Variants in MOB3A observed in about 807,000 individuals in gnomAD.
MOB3A encodes MOB LAK.
MOB3A carries 17 observed loss-of-function variants against 17.8 expected under a neutral mutation model. That is an observed-to-expected ratio of 0.95 (90% CI 0.65 to 1.43). The LOEUF is 1.43. MOB3A is among the 40% of genes most tolerant of loss of function. The pLI is 0.00. For synonymous variants in MOB3A, 124 were observed against 133.2 expected (o/e 0.93, Z 0.48); for missense variants, 333 against 310.8 (o/e 1.07, Z -0.54).
In MOB3A at chr19:2,093,588, C is replaced by T. The variant is rs56320311; in HGVS notation, c.-274+2638G>A. 0.019 allele frequency among the ~76,000 whole-genome samples: 2,898 copies of T among 152,266 alleles called. 51 individuals are homozygous for T. Among genetic ancestry groups the T allele is most frequent in the Admixed American group, 0.041 (627 of 15,286 alleles). On this transcript the variant is annotated intron_variant, in intron 1 of 4. Coordinates refer to ENST00000357066, the MANE Select transcript of MOB3A (RefSeq NM_130807.3). This position sits in a 1 kb window ranked among gnomAD's most constrained non-coding sequence, Gnocchi z 4.6. ...TCTTGAATGCCTGACCTCAGGTGAT[C>T]TGCTCTCCTCGGCCTCCCAAAGTGC... is the stretch of plus-strand genomic sequence containing the variant.
chr19:2,095,420 G>C (rs568370346), intron 1 of MOB3A: 1 of 152,278 alleles, frequency 6.6e-6, no homozygotes, highest in Non-Finnish European at 1.5e-5. Flanking sequence ...CCGGGGTGGG[G>C]GGGCCCTGCC....
At chr19:2,081,574 C>CGA (rs1282626537) in intron 2 of MOB3A, among the ~76,000 whole-genome samples, 1 of 150,934 alleles carries the variant, frequency 6.6e-6, no homozygotes, top group Non-Finnish European at 1.5e-5. Flanking sequence ...GGCGACAGAG[C>CGA]GAGATTCTGC....
At chr19:2,083,413 A>G (rs540667250) in intron 2 of MOB3A, among the ~76,000 whole-genome samples, 38 of 152,240 alleles carry the variant, frequency 2.5e-4, no homozygotes, top group South Asian at 8.3e-4. Context: ...AGGCCACACC[A>G]CCTGCAGCAC....
Position 2,078,248 on chromosome 19 carries a change from G to T in MOB3A, c.313C>A (p.His105Asn). ...PKYEYRWQDE[H>N]KFRKPTALSA... ...AGTGCCGTGGGCTTCCGGAACTTATGCTCATCCTGCCAGCGGTACTCATAC... is the reference window on the plus strand; with the variant it reads ...AGTGCCGTGGGCTTCCGGAACTTATTCTCATCCTGCCAGCGGTACTCATAC... The change falls in exon 3 of 5, where the codon CAT (histidine) becomes AAT (asparagine). Residue 105 changes from histidine (H) to asparagine (N), a missense_variant. Transcript: ENST00000357066. 1 of 1,614,034 alleles carries T rather than the reference G, an allele frequency of 6.2e-7. No homozygotes were observed. Among genetic ancestry groups the T allele is most frequent in the Non-Finnish European group, 8.5e-7 (1 of 1,179,952 alleles).
intron 1 of MOB3A, among the ~76,000 whole-genome samples, chr19:2,089,715 G>A (rs952361885): frequency 3.3e-5 from 5 of 152,154 alleles, no homozygotes; most frequent in African/African-American, 9.7e-5. Context: ...GGTTTACACC[G>A]TCTGCCATAT....
chr19:2,081,447 A>T (rs1023303261), intron 2 of MOB3A, among the ~76,000 whole-genome samples: 1 of 151,828 alleles, frequency 6.6e-6, no homozygotes, highest in Non-Finnish European at 1.5e-5. Flanking sequence ...AATTAGCCAG[A>T]CATGGTGGCG....
rs771426975 is a variant in MOB3A at position 2,078,174 on chromosome 19, C to G, written c.387G>C (p.Gln129His). 1.0e-5 allele frequency: 16 copies of G among 1,592,794 alleles called. No individual in the cohort carries two copies. Among genetic ancestry groups the G allele is most frequent in the Admixed American group, 6.8e-5 (4 of 58,970 alleles). Reference protein sequence around the residue: ...MDLLMDWIEAQINNEDLFPTN... With the variant: ...MDLLMDWIEAHINNEDLFPTN... ...TGGGGAAGAGGTCCTCGTTGTTGAT[C>G]TGCGCCTCGATCCAGTCCATCAGCA... Residue 129 changes from glutamine to histidine, a missense_variant, in exon 3 of 5, where the codon CAG becomes CAC. Physicochemically the swap from Gln to His is conservative, Grantham distance 24 (BLOSUM62 0). Transcript: ENST00000357066.
chr19:2,085,119 G>A (rs1019579505), intron 2 of MOB3A, 56 bp downstream of exon 2: 6 of 152,272 alleles, frequency 3.9e-5, no homozygotes, highest in African/African-American at 1.4e-4. Flanking sequence ...AGGCCGGGGT[G>A]GCCTCGGGAC....
At chr19:2,076,547 G>A (rs2017411148) in intron 4 of MOB3A, among the ~76,000 whole-genome samples, 1 of 152,212 alleles carries the variant, frequency 6.6e-6, no homozygotes, top group Non-Finnish European at 1.5e-5. Flanking sequence ...GCTCAGGACG[G>A]TGAAGGCGGA....
At position 2,076,934 on chromosome 19, in the gene MOB3A, G is replaced by A; in HGVS notation, c.501C>T (p.Tyr167=). 2 of 1,614,028 alleles carry A rather than the reference G, an allele frequency of 1.2e-6. No homozygotes were observed. The highest frequency in any genetic ancestry group is 1.6e-4 in the Middle Eastern group (1 of 6,062). ...SRLFRVFVHV[Y]IHHFDRIAQM... is the part of the protein sequence containing the mutation. ...GCGCGATGCGGTCAAAGTGGTGGAT[G>A]TAGACGTGCACGAACACGCGGAACA... is the stretch of plus-strand genomic sequence containing the variant. The change falls in exon 4 of 5, where the codon TAC becomes TAT. Residue 167 remains tyrosine (Y), a synonymous_variant. Transcript: ENST00000357066.
intron 1 of MOB3A, among the ~76,000 whole-genome samples, chr19:2,094,038 GTTC>G (rs2017641604): frequency 7.1e-6 from 1 of 140,128 alleles, no homozygotes; most frequent in African/African-American, 2.6e-5. Context: ...CCCTATGTAA[GTTC>G]TTTTTTTTTT....
chr19:2,083,768 T>G lies in MOB3A; in HGVS notation c.-120+1407A>C, dbSNP rs114665043. ...GCTGCCGTTTGTTGATTTCAGGGCCTCCCATGCCAATTTGGGGGCTTAGCT... is the reference window on the plus strand; with the variant it reads ...GCTGCCGTTTGTTGATTTCAGGGCCGCCCATGCCAATTTGGGGGCTTAGCT... On this transcript the variant is annotated intron_variant, in intron 2 of 4. Transcript: ENST00000357066. Among the ~76,000 whole-genome samples, 1,138 of 152,284 alleles carry G rather than the reference T, an allele frequency of 7.5e-3. 19 individuals carry two copies. Among genetic ancestry groups the G allele is most frequent in the African/African-American group, 0.026 (1,067 of 41,562 alleles).
rs1403479346 is a variant in MOB3A, at chr19:2,076,996, T to C, written c.439A>G (p.Asn147Asp). 6.2e-7 allele frequency: 1 copy of C among 1,613,330 alleles called. No individual in the cohort carries two copies. Among genetic ancestry groups the C allele is most frequent in the Non-Finnish European group, 8.5e-7 (1 of 1,179,890 alleles). Residue 147 changes from asparagine to aspartate, a missense_variant, in exon 4 of 5, where the codon AAC (asparagine) becomes GAC (aspartate). Physicochemically the swap from Asn to Asp is conservative, Grantham distance 23. Transcript: ENST00000357066. Reference protein sequence around the residue: ...PTNVGTPFPKNFLQTVRKILS... With the variant: ...PTNVGTPFPKDFLQTVRKILS... Reference sequence around the variant, plus strand: ...ATCTTCCGCACCGTCTGCAGGAAGTTCTTGGGAAACGGAGTGCCTGCAGGG... The same window carrying C: ...ATCTTCCGCACCGTCTGCAGGAAGTCCTTGGGAAACGGAGTGCCTGCAGGG...
chr19:2,087,309 G>A (rs1278459919), intron 1 of MOB3A, among the ~76,000 whole-genome samples: 2 of 152,210 alleles, frequency 1.3e-5, no homozygotes, highest in Non-Finnish European at 1.5e-5. Context: ...CACGTTTGGC[G>A]TTGCGCAAAC....
At chr19:2,087,516 A>G (rs905117676) in intron 1 of MOB3A, among the ~76,000 whole-genome samples, 1 of 152,160 alleles carries the variant, frequency 6.6e-6, no homozygotes, top group Admixed American at 6.5e-5. Flanking sequence ...TTAGCCAGGC[A>G]TGGTGGATGT....
intron 4 of MOB3A, among the ~76,000 whole-genome samples, chr19:2,075,554 C>A (rs1417369288): frequency 6.6e-6 from 1 of 152,150 alleles, no homozygotes; most frequent in Non-Finnish European, 1.5e-5. Context: ...CATCAGGATC[C>A]CCACATCCAT....
In MOB3A at chr19:2,078,142, A is replaced by G. The variant is rs1291250008; in HGVS notation, c.419T>C (p.Val140Ala). 14 of 1,566,278 alleles carry G rather than the reference A, an allele frequency of 8.9e-6. No individual in the cohort carries two copies. The highest frequency in any genetic ancestry group is 1.2e-5 in the Non-Finnish European group (14 of 1,151,090). Residue 140 changes from valine (V) to alanine (A), a missense_variant and splice_region_variant, in exon 3 of 5, where the codon GTT becomes GCT. Val to Ala is a moderately conservative substitution (Grantham distance 64, BLOSUM62 0). Coordinates refer to ENST00000357066, the MANE Select transcript of MOB3A (RefSeq NM_130807.3). ...INNEDLFPTN[V>A]GTPFPKNFLQ... ...AGCCCCTGCCAGCTCTGACTCACCA[A>G]CGTTGGTGGGGAAGAGGTCCTCGTT...
rs1019265176 is a variant in MOB3A, at chr19:2,088,711, G to A, written c.-273-3383C>T. ...TCTCCAACTCCTGACCTCATGATCC[G>A]CCCGCCTCGACCTCCCAAAGTGCTG... On this transcript the variant is annotated intron_variant, in intron 1 of 4. Transcript: ENST00000357066. Among the ~76,000 whole-genome samples the A allele has an allele frequency of 9.1e-4, 138 of 151,908 alleles. 1 individual carries two copies. Among genetic ancestry groups the A allele is most frequent in the African/African-American group, 3.1e-3 (130 of 41,446 alleles).
At chr19:2,084,659 T>C (rs1015852656) in intron 2 of MOB3A, among the ~76,000 whole-genome samples, 4 of 151,738 alleles carry the variant, frequency 2.6e-5, no homozygotes, top group African/African-American at 9.7e-5. Context: ...GGCATGATCT[T>C]GGCTCACTGC....
Sources: allele counts gnomAD v4.1 joint callset (sites outside exome capture counted in the v4.1 genomes callset), GRCh38; gene constraint gnomAD v4.1.1; non-coding constraint Gnocchi (gnomAD v3.1); transcripts MANE v1.5; gene names NCBI Gene and HGNC (gene_info 2026-07-23, HGNC 2026-07-21).